The following RREB1 variants were observed in gnomAD, a reference collection of about 807,000 sequenced individuals.
RREB1 encodes the protein ras-responsive element-binding protein 1.
In RREB1, 27 loss-of-function variants were observed where a neutral mutation model predicts 117.8. That is an observed-to-expected ratio of 0.23 (90% CI 0.17 to 0.32). The LOEUF (loss-of-function observed/expected upper bound fraction) is 0.32. Ranked by LOEUF, RREB1 falls within the 10% of genes least tolerant of loss-of-function variation. The probability of loss-of-function intolerance (pLI) is 1.00; values close to 1 mark genes in which losing one functional copy is unlikely to be tolerated. For synonymous variants in RREB1, 1,298 were observed against 1,026.7 expected (o/e 1.26, Z -5.05); for missense variants, 2,577 against 2,378.2 (o/e 1.08, Z -1.74).
chr6:7,135,876 T>A (rs1332953717), intron 1 of RREB1, among the ~76,000 whole-genome samples: 1 of 152,190 alleles, frequency 6.6e-6, no homozygotes, highest in East Asian at 1.9e-4. Context: ...ATCACATTGT[T>A]TGGATTTTCT....
intron 11 of RREB1, among the ~76,000 whole-genome samples, 158 bp downstream of exon 11, chr6:7,240,760 T>C (rs1307277359): frequency 6.6e-6 from 1 of 152,192 alleles, no homozygotes; most frequent in African/African-American, 2.4e-5. Context: ...CAGGCCCTGC[T>C]GATGATTGGG....
intron 8 of RREB1, among the ~76,000 whole-genome samples, chr6:7,221,139 G>A (rs1013369447): frequency 1.3e-5 from 2 of 152,130 alleles, no homozygotes; most frequent in African/African-American, 4.8e-5. Flanking sequence ...CAGGTGCTGA[G>A]TGTGAGGCAG....
chr6:7,239,399 C>T (rs1768546833), intron 10 of RREB1, among the ~76,000 whole-genome samples: 1 of 152,224 alleles, frequency 6.6e-6, no homozygotes, highest in Non-Finnish European at 1.5e-5. Flanking sequence ...CTGATCCCCT[C>T]CCTCCTCCTC....
At chr6:7,143,620 C>T (rs1351049867) in intron 1 of RREB1, among the ~76,000 whole-genome samples, 1 of 152,138 alleles carries the variant, frequency 6.6e-6, no homozygotes, top group African/African-American at 2.4e-5. Context: ...GAAGTGACAG[C>T]CTGTGCTTCT....
At chr6:7,144,928 A>G (rs577662557) in intron 1 of RREB1, among the ~76,000 whole-genome samples, 7 of 152,362 alleles carry the variant, frequency 4.6e-5, no homozygotes, top group South Asian at 4.1e-4. Flanking sequence ...CAGCGAGGTT[A>G]TGAAGGCCCT....
intron 1 of RREB1, among the ~76,000 whole-genome samples, chr6:7,141,817 C>CGGGCA (rs1762607471): frequency 6.6e-6 from 1 of 152,192 alleles, no homozygotes; most frequent in Non-Finnish European, 1.5e-5. Context: ...CCCAGGAGAA[C>CGGGCA]GGGCAGCCGG....
At chr6:7,171,007 G>A (rs1764180155) in intron 1 of RREB1, among the ~76,000 whole-genome samples, 1 of 152,214 alleles carries the variant, frequency 6.6e-6, no homozygotes. Flanking sequence ...AGGGCTGGAT[G>A]CTCATGCCCT....
rs560384427 is a variant in RREB1, at chr6:7,188,252, T to TGC, written c.261+738_261+739dup. On this transcript the variant is annotated intron_variant, in intron 5 of 12. Coordinates refer to ENST00000379938, the MANE Select transcript of RREB1 (RefSeq NM_001003699.4). ...GTGTGTGTGTGTGTGTGTGTGTGTG[T>TGC]GCGCGCGCGCACGTGTGTGACGGAG... is the stretch of plus-strand genomic sequence containing the variant. Among the ~76,000 whole-genome samples the TGC allele has an allele frequency of 5.0e-3, 737 of 147,660 alleles. 17 individuals carry two copies. The highest frequency in any genetic ancestry group is 0.018 in the Middle Eastern group (5 of 282).
At chr6:7,166,816 A>C (rs535170102) in intron 1 of RREB1, among the ~76,000 whole-genome samples, 2 of 152,332 alleles carry the variant, frequency 1.3e-5, no homozygotes, top group East Asian at 3.9e-4. Context: ...TCCCTGGGGC[A>C]AAGTGGAGAA....
intron 5 of RREB1, among the ~76,000 whole-genome samples, chr6:7,188,844 A>T (rs1561770398): frequency 6.6e-6 from 1 of 152,124 alleles, no homozygotes. Context: ...TTCGGCTTGT[A>T]GGAGTTAATA....
At chr6:7,181,334 A>C in intron 3 of RREB1, 88 bp downstream of exon 3, 1 of 400,368 alleles carries the variant, frequency 2.5e-6, no homozygotes, top group Non-Finnish European at 4.4e-6. Flanking sequence ...ACAGGCTTTG[A>C]TATGTCAATT....
chr6:7,150,733 G>A (rs1763079875), intron 1 of RREB1, among the ~76,000 whole-genome samples: 1 of 152,246 alleles, frequency 6.6e-6, no homozygotes, highest in African/African-American at 2.4e-5. Context: ...GTTTCAGGGT[G>A]GGGATGGCAC....
At chr6:7,164,680 C>G (rs373726971) in intron 1 of RREB1, among the ~76,000 whole-genome samples, 16 of 152,196 alleles carry the variant, frequency 1.1e-4, no homozygotes, top group African/African-American at 7.2e-5. Context: ...CAGCAAAGCT[C>G]TAAGTGCCAG....
At chr6:7,144,057 T>G (rs1487730367) in intron 1 of RREB1, among the ~76,000 whole-genome samples, 1 of 149,128 alleles carries the variant, frequency 6.7e-6, no homozygotes, top group African/African-American at 2.5e-5. Context: ...TTTTGTGGCT[T>G]GGTTTTGCAC....
At position 7,246,189 on chromosome 6, in the gene RREB1, C is replaced by G. The variant is rs569321283; in HGVS notation, c.3974-235C>G. Among the ~76,000 whole-genome samples the G allele has an allele frequency of 3.9e-5, 6 of 152,344 alleles. No homozygotes were observed. In the East Asian group the frequency reaches 1.2e-3, roughly 29 times the overall value. ...CAGGGGTTCAGGGGCACAGCCAGCC[C>G]TGGGAACACACCTGAGGTGATGTGG... On this transcript the variant is annotated intron_variant, in intron 11 of 12. Coordinates refer to ENST00000379938, the MANE Select transcript of RREB1 (RefSeq NM_001003699.4).
At chr6:7,161,895 TAAA>T (rs1183852025) in intron 1 of RREB1, among the ~76,000 whole-genome samples, 7 of 152,210 alleles carry the variant, frequency 4.6e-5, no homozygotes, top group Non-Finnish European at 8.8e-5. Flanking sequence ...TGTCCATTTT[TAAA>T]TCTGCTACCA....
Position 7,246,611 on chromosome 6 carries a change from C to G in RREB1, c.4161C>G (p.Ser1387Arg), listed in dbSNP as rs1231428639. The change falls in exon 12 of 13, where the codon AGC becomes AGG. Residue 1387 changes from serine (S) to arginine (R), a missense_variant. Physicochemically the swap from Ser to Arg is moderately radical, Grantham distance 110 (BLOSUM62 -1). Coordinates refer to ENST00000379938, the MANE Select transcript of RREB1 (RefSeq NM_001003699.4). Reference sequence around the variant, plus strand: ...GGGAAGAGCACGGGCGTGGGGAGAGCCATGAGCCGGAGGAGGAGCATGGCA... The same window carrying G: ...GGGAAGAGCACGGGCGTGGGGAGAGGCATGAGCCGGAGGAGGAGCATGGCA... ...VHREEHGRGE[S>R]HEPEEEHGTE... The G allele has an allele frequency of 3.2e-6, 5 of 1,562,146 alleles. No homozygotes were observed. The Admixed American group carries it at 9.5e-5, about 30-fold the overall frequency.
chr6:7,154,868 G>A (rs1763288553), intron 1 of RREB1, among the ~76,000 whole-genome samples: 1 of 152,112 alleles, frequency 6.6e-6, no homozygotes, highest in African/African-American at 2.4e-5. Flanking sequence ...GTGGTGTGCT[G>A]GTGACAGTTC....
intron 6 of RREB1, among the ~76,000 whole-genome samples, chr6:7,209,917 C>T (rs545458445): frequency 5.9e-5 from 9 of 152,334 alleles, no homozygotes; most frequent in East Asian, 5.8e-4. Flanking sequence ...ACCACGGCTA[C>T]GTGATGAGGG....
Sources: gnomAD v4.1 joint callset for allele counts (sites outside exome capture counted in the v4.1 genomes callset) on GRCh38, gnomAD v4.1.1 for gene constraint, MANE v1.5 for transcripts, NCBI Gene and HGNC (gene_info 2026-07-23, HGNC 2026-07-21) for gene names.